WSCD2: variants seen among roughly 807,000 people sequenced by gnomAD.
WSCD2 encodes the protein WSC domain sialate O sulfotransferase 2, also known as sialate:O-sulfotransferase 2.
Under a neutral mutation model 55.7 loss-of-function variants are expected in WSCD2, and 28 were observed. The observed-to-expected ratio is 0.50, with a 90% CI of 0.37 to 0.69. The LOEUF is 0.69. Ranked by LOEUF, WSCD2 falls within the 30% of genes least tolerant of loss-of-function variation. The pLI is 0.00. For missense variants in WSCD2, 616 were observed against 762.1 expected (o/e 0.81, Z 2.26); for synonymous variants, 301 against 301.9 (o/e 1.00, Z 0.03).
At chr12:108,148,519 A>G (rs557282209) in intron 1 of WSCD2, among the ~76,000 whole-genome samples, 1 of 152,306 alleles carries the variant, frequency 6.6e-6, no homozygotes, top group East Asian at 1.9e-4. Flanking sequence ...CAATTAATAA[A>G]TGGAATTATC....
chr12:108,151,373 G>C (rs1948626493), intron 1 of WSCD2, among the ~76,000 whole-genome samples: 1 of 152,104 alleles, frequency 6.6e-6, no homozygotes, highest in Non-Finnish European at 1.5e-5. Context: ...GGTGGAGAGG[G>C]GGAAAAATTG....
chr12:108,206,247 G>C lies in WSCD2; in HGVS notation c.383-42G>C, dbSNP rs753828178. The C allele has an allele frequency of 1.3e-5, 20 of 1,567,610 alleles. 1 individual carries two copies. The South Asian group carries it at 1.9e-4, about 15-fold the overall frequency. ...GAGGCTTCCTCCTGTAACCCTTGCA[G>C]CTTTGTCCCCAGCCACCTTTGACGT... On this transcript the variant is annotated intron_variant, in intron 2 of 8. Transcript: ENST00000547525.
At position 108,249,728 on chromosome 12, in the gene WSCD2, G is replaced by T. The variant is rs1028667267; in HGVS notation, c.*1385G>T. 1 of 152,636 alleles carries T rather than the reference G, an allele frequency of 6.6e-6. No individual in the cohort carries two copies. The highest frequency in any genetic ancestry group is 1.5e-5 in the Non-Finnish European group (1 of 68,052). 9.5% of individuals were successfully genotyped at this position (152,636 alleles called of 1,614,324 possible). ...AGCAAAGAGACCATGGAGAAGGTGCGTGTAAAGAGATATATTTTTGTAAGA... is the reference window on the plus strand; with the variant it reads ...AGCAAAGAGACCATGGAGAAGGTGCTTGTAAAGAGATATATTTTTGTAAGA... On this transcript the variant is annotated 3_prime_UTR_variant, in exon 9 of 9. Transcript: ENST00000547525.
intron 6 of WSCD2, among the ~76,000 whole-genome samples, chr12:108,227,550 C>T (rs549839481): frequency 6.6e-6 from 1 of 152,200 alleles, no homozygotes; most frequent in Admixed American, 6.5e-5. Context: ...CTGTTGGCCT[C>T]CAGTGTTCCT....
At chr12:108,186,597 C>T (rs11113769) in intron 1 of WSCD2, among the ~76,000 whole-genome samples, 113,240 of 152,150 alleles carry the variant, frequency 0.74, 43,405 homozygotes, top group East Asian at 0.9. Flanking sequence ...TCATTGGAAT[C>T]GTACAGTGTG....
intron 1 of WSCD2, among the ~76,000 whole-genome samples, chr12:108,141,038 C>G (rs1430544327): frequency 1.3e-5 from 2 of 152,112 alleles, no homozygotes; most frequent in Non-Finnish European, 2.9e-5. Flanking sequence ...ACATTCTTTT[C>G]TTTTCTTTCT....
intron 1 of WSCD2, among the ~76,000 whole-genome samples, chr12:108,132,626 A>G (rs1230988946): frequency 6.6e-6 from 1 of 151,926 alleles, no homozygotes; most frequent in African/African-American, 2.4e-5. Context: ...TATATATGTG[A>G]GTCATGTGTG....
intron 4 of WSCD2, among the ~76,000 whole-genome samples, chr12:108,212,617 A>G (rs898221398): frequency 6.4e-5 from 9 of 140,868 alleles, no homozygotes; most frequent in Non-Finnish European, 1.2e-4. Context: ...TCTCTCTCAC[A>G]CACACACACA....
chr12:108,146,456 A>G (rs1212169537), intron 1 of WSCD2, among the ~76,000 whole-genome samples: 3 of 152,262 alleles, frequency 2.0e-5, no homozygotes, highest in Non-Finnish European at 4.4e-5. Context: ...CCCTTTTCTC[A>G]GAACATGATA....
In WSCD2 at chr12:108,169,823, G is replaced by T. The variant is rs966818832; in HGVS notation, c.-551-25459G>T. Among the ~76,000 whole-genome samples the T allele has an allele frequency of 5.3e-5, 8 of 152,176 alleles. No homozygotes were observed. The East Asian group carries it at 1.3e-3, about 26-fold the overall frequency. ...AAGGTAGCCAAAGAGCACACTGTTGGTTTTGCCCAGAGCTTGACTGGCAGT... is the reference window on the plus strand; with the variant it reads ...AAGGTAGCCAAAGAGCACACTGTTGTTTTTGCCCAGAGCTTGACTGGCAGT... On this transcript the variant is annotated intron_variant, in intron 1 of 8. Transcript: ENST00000547525.
At chr12:108,193,810 G>A (rs1883530307) in intron 1 of WSCD2, among the ~76,000 whole-genome samples, 1 of 152,226 alleles carries the variant, frequency 6.6e-6, no homozygotes, top group African/African-American at 2.4e-5. Context: ...CAAAGGCATG[G>A]ATTTTTGTCT....
At chr12:108,228,291 C>T (rs553977494) in intron 6 of WSCD2, among the ~76,000 whole-genome samples, 22 of 152,224 alleles carry the variant, frequency 1.4e-4, no homozygotes, top group Admixed American at 3.9e-4. Flanking sequence ...GTCCTTATGC[C>T]GAGCCTCATC....
At chr12:108,208,534 G>T (rs937539638) in intron 3 of WSCD2, among the ~76,000 whole-genome samples, 1 of 152,122 alleles carries the variant, frequency 6.6e-6, no homozygotes, top group Non-Finnish European at 1.5e-5. Flanking sequence ...AGGATGAGTA[G>T]GAGTTTTCTA....
At chr12:108,218,617 A>C (rs1887117837) in intron 4 of WSCD2, among the ~76,000 whole-genome samples, 1 of 152,170 alleles carries the variant, frequency 6.6e-6, no homozygotes. Flanking sequence ...ACAGGCCCTG[A>C]GTGATGCCCC....
intron 1 of WSCD2, among the ~76,000 whole-genome samples, chr12:108,177,071 A>T (rs1880976412): frequency 6.6e-6 from 1 of 152,094 alleles, no homozygotes; most frequent in Admixed American, 6.5e-5. Context: ...AAGCCATCCC[A>T]GCTCTGCCTC....
At chr12:108,245,629 A>G (rs1295353331) in intron 8 of WSCD2, among the ~76,000 whole-genome samples, 1 of 152,186 alleles carries the variant, frequency 6.6e-6, no homozygotes, top group African/African-American at 2.4e-5. Flanking sequence ...GTGCTGGGTG[A>G]CAAGCACCGT....
intron 1 of WSCD2, among the ~76,000 whole-genome samples, chr12:108,155,419 CTAGAATAAGGACACGT>C (rs979754554): frequency 1.1e-4 from 16 of 152,128 alleles, no homozygotes; most frequent in Non-Finnish European, 1.6e-4. Context: ...CTTATTAAGC[CTAGAATAAGGACACGT>C]TATATTTTCT....
intron 8 of WSCD2, among the ~76,000 whole-genome samples, chr12:108,243,008 TG>T (rs1300926465): frequency 6.6e-6 from 1 of 152,232 alleles, no homozygotes; most frequent in African/African-American, 2.4e-5. Flanking sequence ...GCAAGGGCTC[TG>T]GTAGAGAGAC....
At position 108,206,288 on chromosome 12, in the gene WSCD2, G is replaced by A; in HGVS notation, c.383-1G>A. 1.2e-6 allele frequency: 2 copies of A among 1,614,162 alleles called. No individual in the cohort carries two copies. The highest frequency in any genetic ancestry group is 2.2e-5 in the East Asian group (1 of 44,888). On this transcript the variant is annotated splice_acceptor_variant, in intron 2 of 8. Coordinates refer to ENST00000547525, the MANE Select transcript of WSCD2 (RefSeq NM_014653.4). LOFTEE classifies it high-confidence loss of function. ...CCTTTGACGTTTTCCTTTCCCCAAA[G>A]CCAAGTACATCGGCTGCTACCTGGA...
Sources: allele counts gnomAD v4.1 joint callset (sites outside exome capture counted in the v4.1 genomes callset), GRCh38; gene constraint gnomAD v4.1.1; transcripts MANE v1.5; gene names NCBI Gene and HGNC (gene_info 2026-07-23, HGNC 2026-07-21).